The following ZDHHC11B variants were observed in gnomAD, a reference collection of about 807,000 sequenced individuals.
ZDHHC11B encodes the protein zDHHC palmitoyltransferase 11B (putative).
A neutral mutation model predicts 42.3 loss-of-function variants in ZDHHC11B; 17 were observed. That is an observed-to-expected ratio of 0.40 (90% CI 0.27 to 0.60). The LOEUF (loss-of-function observed/expected upper bound fraction) is 0.60. ZDHHC11B is among the 20% of genes least tolerant of loss of function. ZDHHC11B has a pLI of 0.41. For synonymous variants in ZDHHC11B, 123 were observed against 193.5 expected, an observed-to-expected ratio of 0.64 and a Z score of 3.02; for missense variants, 262 against 463.2, an observed-to-expected ratio of 0.57 and a Z score of 3.99.
At chr5:715,285 A>G (rs1350253492) in intron 13 of ZDHHC11B, among the ~76,000 whole-genome samples, 1 of 150,042 alleles carries the variant, frequency 6.7e-6, no homozygotes, top group South Asian at 2.1e-4. Flanking sequence ...TTTGCAGATT[A>G]TTTGCAAGTT....
intron 13 of ZDHHC11B, among the ~76,000 whole-genome samples, chr5:714,456 C>T (rs1189645731): frequency 4.2e-5 from 6 of 141,442 alleles, no homozygotes; most frequent in African/African-American, 1.7e-4. Flanking sequence ...GACGTTATCA[C>T]AGCGAACATT....
chr5:718,553 G>T lies in ZDHHC11B; in HGVS notation c.1059-1688C>A, dbSNP rs566288573. On this transcript the variant is annotated intron_variant, in intron 12 of 13. Transcript: ENST00000508859. ...AAACAAACAAACAAACAAAAAAGCTGAATGTGGTGGTGAGTGCCTGTAGTC... is the reference window on the plus strand; with the variant it reads ...AAACAAACAAACAAACAAAAAAGCTTAATGTGGTGGTGAGTGCCTGTAGTC... 2.8e-4 allele frequency among the ~76,000 whole-genome samples: 43 copies of T among 151,612 alleles called. 1 individual carries two copies. Among genetic ancestry groups the T allele is most frequent in the African/African-American group, 9.5e-4 (39 of 41,198 alleles).
At chr5:757,206 C>G (rs1157677631) in intron 4 of ZDHHC11B, among the ~76,000 whole-genome samples, 1 of 151,938 alleles carries the variant, frequency 6.6e-6, no homozygotes, top group East Asian at 1.9e-4. Flanking sequence ...GGGTTGACAG[C>G]CATCTCCACA....
Position 732,411 on chromosome 5 carries a change from T to A in ZDHHC11B, c.1023+1341A>T, listed in dbSNP as rs866263306. ...GTGCAGAAGGTGTCAACGTGGACAA[T>A]CGCAGGCAGAGAAACTCCCATGAGC... On this transcript the variant is annotated intron_variant, in intron 11 of 13. Transcript: ENST00000508859. 351 of 305,490 alleles carry A rather than the reference T, an allele frequency of 1.1e-3. 3 individuals carry two copies. Among genetic ancestry groups the A allele is most frequent in the African/African-American group, 6.5e-3 (292 of 44,876 alleles). The allele number at this position is 305,490 out of a possible 1,614,324, so 18.9% of individuals were successfully genotyped here.
intron 8 of ZDHHC11B, among the ~76,000 whole-genome samples, chr5:746,730 T>C (rs1042458389): frequency 1.3e-5 from 2 of 150,492 alleles, no homozygotes; most frequent in Non-Finnish European, 3.0e-5. Flanking sequence ...CAGGTGACCA[T>C]GCCTCACCCA....
At chr5:751,982 C>T (rs1261310184) in intron 6 of ZDHHC11B, among the ~76,000 whole-genome samples, 2 of 121,594 alleles carry the variant, frequency 1.6e-5, no homozygotes, top group African/African-American at 2.6e-5. Context: ...GGTCACACGG[C>T]GTCTCCAGTG....
chr5:728,196 A>G (rs977822418), intron 12 of ZDHHC11B, among the ~76,000 whole-genome samples: 2 of 151,984 alleles, frequency 1.3e-5, no homozygotes, highest in African/African-American at 4.8e-5. Context: ...GAAAATGCAC[A>G]TTGAAACAAT....
At chr5:780,354 C>T (rs1218244199) in intron 1 of ZDHHC11B, among the ~76,000 whole-genome samples, 5 of 150,686 alleles carry the variant, frequency 3.3e-5, no homozygotes, top group African/African-American at 1.2e-4. Flanking sequence ...CACCTGCTGA[C>T]AGTATGGTGG....
intron 13 of ZDHHC11B, among the ~76,000 whole-genome samples, chr5:713,300 T>C (rs1283316470): frequency 3.3e-5 from 5 of 152,062 alleles, no homozygotes; most frequent in Non-Finnish European, 7.4e-5. Flanking sequence ...AAATCAGTGA[T>C]ATTTCTCATA....
intron 1 of ZDHHC11B, among the ~76,000 whole-genome samples, chr5:783,453 G>A (rs1737004676): frequency 1.3e-5 from 2 of 152,186 alleles, no homozygotes; most frequent in Non-Finnish European, 2.9e-5. Context: ...GGGCGTGGGG[G>A]GAGACCTCTC....
intron 12 of ZDHHC11B, among the ~76,000 whole-genome samples, chr5:719,480 A>G (rs528815386): frequency 2.7e-4 from 41 of 151,510 alleles, no homozygotes; most frequent in Non-Finnish European, 4.3e-4. Flanking sequence ...TAGAAATTAT[A>G]TATTTTTTAA....
chr5:760,567 G>T (rs1226894888), intron 4 of ZDHHC11B, among the ~76,000 whole-genome samples: 1 of 151,786 alleles, frequency 6.6e-6, no homozygotes, highest in Non-Finnish European at 1.5e-5. Flanking sequence ...CTTTGTGATG[G>T]CAGCCCCAGG....
At position 748,783 on chromosome 5, in the gene ZDHHC11B, C is replaced by A. The variant is rs1162904908; in HGVS notation, c.629-224G>T. Among the ~76,000 whole-genome samples, 4 of 129,442 alleles carry A rather than the reference C, an allele frequency of 3.1e-5. No individual in the cohort carries two copies. The Admixed American group carries it at 3.5e-4, about 11-fold the overall frequency. 84.9% of individuals were successfully genotyped at this position (129,442 alleles called of 152,430 possible). A position where few individuals can be genotyped will look rare whatever the true frequency, so the allele number is the denominator to read the frequency against. On this transcript the variant is annotated intron_variant, in intron 7 of 13. Coordinates refer to ENST00000508859, the MANE Select transcript of ZDHHC11B (RefSeq NM_001351303.2). ...CCTGCTTTATGGATCTGGGAGGTGA[C>A]GCTCCAACAGGGTCACTAAGTGCCA...
rs541372036 is a variant in ZDHHC11B at position 758,012 on chromosome 5, C to T, written c.223-1868G>A. On this transcript the variant is annotated intron_variant, in intron 4 of 13. Transcript: ENST00000508859. ...TGCAGGGGCTGTAAAGGGTGTGGGT[C>T]AGCTGGGCCGGGCACAGGGCTCACT... Among the ~76,000 whole-genome samples, 425 of 151,476 alleles carry T rather than the reference C, an allele frequency of 2.8e-3. 1 individual carries two copies. Among genetic ancestry groups the T allele is most frequent in the African/African-American group, 9.9e-3 (406 of 41,006 alleles).
At chr5:731,040 C>T (rs1398044497) in intron 11 of ZDHHC11B, among the ~76,000 whole-genome samples, 10 of 151,880 alleles carry the variant, frequency 6.6e-5, no homozygotes, top group African/African-American at 2.4e-4. Flanking sequence ...AAAACACCTG[C>T]TATGTGTGCA....
In ZDHHC11B at chr5:766,802, A is replaced by G; in HGVS notation, c.118T>C (p.Tyr40His). 3.1e-6 allele frequency: 5 copies of G among 1,612,704 alleles called. No individual in the cohort carries two copies. The highest frequency in any genetic ancestry group is 4.2e-6 in the Non-Finnish European group (5 of 1,179,232). Residue 40 changes from tyrosine to histidine, a missense_variant, in exon 4 of 14, where the codon TAC becomes CAC. Transcript: ENST00000508859. ...ACAGCCCAAGTCACCACCCGGAAGT[A>G]GTGCAGGGGTAACGACCAGCCGTTC... ...RVNGWSLPLH[Y>H]FRVVTWAVFV...
intron 4 of ZDHHC11B, among the ~76,000 whole-genome samples, chr5:758,623 G>A (rs1734172166): frequency 1.3e-5 from 2 of 151,762 alleles, no homozygotes; most frequent in African/African-American, 2.4e-5. Flanking sequence ...CCATGGCCAG[G>A]CAGTCACCCT....
rs767949001 is a variant in ZDHHC11B, at chr5:766,857, C to T, written c.63G>A (p.Glu21=). 3.7e-6 allele frequency: 6 copies of T among 1,612,656 alleles called. No individual in the cohort carries two copies. Among genetic ancestry groups the T allele is most frequent in the Non-Finnish European group, 2.5e-6 (3 of 1,179,242 alleles). The change falls in exon 4 of 14, where the codon GAG becomes GAA. Residue 21 remains glutamate, a synonymous_variant. Transcript: ENST00000508859. ...VTPEAIRNNE[E]LVLPPRISRV... is the part of the protein sequence containing the mutation. ...TGGAGATGCGGGGCGGCAAGACCAG[C>T]TCTTCATTGTTGCGTATGGCTTCTG... is the stretch of plus-strand genomic sequence containing the variant.
intron 13 of ZDHHC11B, among the ~76,000 whole-genome samples, chr5:713,767 TC>T (rs1449993710): frequency 6.6e-6 from 1 of 151,970 alleles, no homozygotes; most frequent in South Asian, 2.1e-4. Context: ...AAATGACTGA[TC>T]CCCCCTGATT....
Sources: gnomAD v4.1 joint callset for allele counts (sites outside exome capture counted in the v4.1 genomes callset) on GRCh38, gnomAD v4.1.1 for gene constraint, MANE v1.5 for transcripts, NCBI Gene and HGNC (gene_info 2026-07-23, HGNC 2026-07-21) for gene names.